Variants in PELI2 observed in about 807,000 individuals in gnomAD.
The protein encoded by PELI2 is pellino E3 ubiquitin protein ligase family member 2, also known as E3 ubiquitin-protein ligase pellino homolog 2.
A neutral mutation model predicts 42.3 loss-of-function variants in PELI2; 23 were observed. That is an observed-to-expected ratio of 0.54 (90% CI 0.39 to 0.77). The LOEUF is 0.77. Among genes scored for constraint, PELI2 ranks in the 30% least tolerant of loss-of-function variants. The pLI is 0.00. For synonymous variants in PELI2, 245 were observed against 212.2 expected (o/e 1.15, Z -1.34); for missense variants, 463 against 553.2 (o/e 0.84, Z 1.64).
At chr14:56,154,835 A>G (rs1434205199) in intron 1 of PELI2, among the ~76,000 whole-genome samples, 2 of 152,224 alleles carry the variant, frequency 1.3e-5, no homozygotes, top group Non-Finnish European at 2.9e-5. Context: ...GATTGTTGCT[A>G]AATTACTTTG....
chr14:56,204,282 G>C (rs1162204215), intron 2 of PELI2, among the ~76,000 whole-genome samples: 2 of 152,188 alleles, frequency 1.3e-5, no homozygotes. Context: ...GTTTTAGACC[G>C]AATTGGTGGC....
chr14:56,164,679 T>A (rs1380091131), intron 1 of PELI2, among the ~76,000 whole-genome samples: 2 of 152,134 alleles, frequency 1.3e-5, no homozygotes, highest in Non-Finnish European at 2.9e-5. Flanking sequence ...GGGCTTTTCT[T>A]TACTGGGAGA....
chr14:56,162,063 A>G (rs1296111211), intron 1 of PELI2, among the ~76,000 whole-genome samples: 1 of 152,226 alleles, frequency 6.6e-6, no homozygotes, highest in Non-Finnish European at 1.5e-5. Flanking sequence ...GCAATGTGAA[A>G]TAACCACATT....
chr14:56,119,161 G>GAGGC (rs1292399876), intron 1 of PELI2: 1 of 151,932 alleles, frequency 6.6e-6, no homozygotes, highest in East Asian at 1.9e-4. Flanking sequence ...CCGAAGCTGA[G>GAGGC]AGGCCGGCCG....
At chr14:56,283,032 C>T (rs570623790) in intron 3 of PELI2, among the ~76,000 whole-genome samples, 1 of 152,278 alleles carries the variant, frequency 6.6e-6, no homozygotes, top group South Asian at 2.1e-4. Flanking sequence ...ATAGGTAAGT[C>T]AGGTACTCTC....
rs1309667616 is a variant in PELI2 at position 56,127,810 on chromosome 14, A to C, written c.77+9073A>C. ...ATTTTAGCATTTTTCATTTCTAATG[A>C]GAGGGACTAAAAGATGTGAAATCAA... is the stretch of plus-strand genomic sequence containing the variant. On this transcript the variant is annotated intron_variant, in intron 1 of 5. Transcript: ENST00000267460. Among the ~76,000 whole-genome samples the C allele has an allele frequency of 2.0e-5, 3 of 152,350 alleles. No individual in the cohort carries two copies. The South Asian group carries it at 6.2e-4, about 32-fold the overall frequency.
intron 2 of PELI2, among the ~76,000 whole-genome samples, chr14:56,216,132 T>G (rs1886898261): frequency 6.6e-6 from 1 of 152,232 alleles, no homozygotes. Context: ...AAAAACTTCA[T>G]GCAGTTGTTT....
Position 56,219,181 on chromosome 14 carries a change from GTGTT to G in PELI2, c.207+40723_207+40726del, listed in dbSNP as rs1362162155. On this transcript the variant is annotated intron_variant, in intron 2 of 5. Transcript: ENST00000267460. This position sits in a 1 kb window ranked among gnomAD's most constrained non-coding sequence, Gnocchi z 4.1. ...TTTTGGATGACTTGAGGACAATAAG[GTGTT>G]TGTTTATTTATTTATTTATTTTGGT... Among the ~76,000 whole-genome samples the G allele has an allele frequency of 1.3e-5, 2 of 151,666 alleles. No individual in the cohort carries two copies. The highest frequency in any genetic ancestry group is 2.9e-5 in the Non-Finnish European group (2 of 67,972).
intron 1 of PELI2, among the ~76,000 whole-genome samples, chr14:56,140,140 G>T (rs1307021261): frequency 2.0e-5 from 3 of 151,888 alleles, no homozygotes; most frequent in Non-Finnish European, 4.4e-5. Context: ...GTATAATTTA[G>T]AGCTGGGTGC....
intron 2 of PELI2, among the ~76,000 whole-genome samples, chr14:56,207,208 G>A (rs1386097626): frequency 6.6e-6 from 1 of 151,800 alleles, no homozygotes; most frequent in Non-Finnish European, 1.5e-5. Context: ...CACAAAGCTG[G>A]GAGAGAAAAA....
At chr14:56,280,585 A>C (rs1020518804) in intron 3 of PELI2, among the ~76,000 whole-genome samples, 15 of 152,240 alleles carry the variant, frequency 9.9e-5, no homozygotes, top group Middle Eastern at 6.8e-3. Context: ...CGAAACAAAC[A>C]TCAAAAGAGT....
intron 2 of PELI2, among the ~76,000 whole-genome samples, chr14:56,271,425 A>T (rs1889101092): frequency 6.6e-6 from 1 of 152,236 alleles, no homozygotes; most frequent in Admixed American, 6.5e-5. Flanking sequence ...TTTGTATTTC[A>T]TAACCAGAGC....
intron 2 of PELI2, among the ~76,000 whole-genome samples, chr14:56,179,985 A>G (rs554957742): frequency 3.0e-4 from 46 of 152,230 alleles, no homozygotes; most frequent in Middle Eastern, 6.8e-3. Context: ...AAAATTTGCA[A>G]CTGTTGAGAG....
At chr14:56,130,326 A>G (rs569690239) in intron 1 of PELI2, among the ~76,000 whole-genome samples, 9 of 152,300 alleles carry the variant, frequency 5.9e-5, no homozygotes, top group African/African-American at 2.2e-4. Context: ...ATGCTTGAGA[A>G]GCTTGTTCAG....
At chr14:56,176,951 G>C (rs562514711) in intron 1 of PELI2, among the ~76,000 whole-genome samples, 1 of 152,314 alleles carries the variant, frequency 6.6e-6, no homozygotes, top group Non-Finnish European at 1.5e-5. Flanking sequence ...AAACGGGTTT[G>C]TAATGGTTGT....
At chr14:56,176,579 G>A (rs1212312127) in intron 1 of PELI2, among the ~76,000 whole-genome samples, 1 of 152,182 alleles carries the variant, frequency 6.6e-6, no homozygotes, top group African/African-American at 2.4e-5. Flanking sequence ...GAGAGCCTGC[G>A]TTCCATGGGA....
chr14:56,283,079 T>C (rs1336321317), intron 3 of PELI2, among the ~76,000 whole-genome samples: 1 of 152,308 alleles, frequency 6.6e-6, no homozygotes, highest in African/African-American at 2.4e-5. Context: ...AGAAGAATCT[T>C]GTTTCTTCGG....
chr14:56,205,992 C>T (rs1170901869), intron 2 of PELI2, among the ~76,000 whole-genome samples: 1 of 124,690 alleles, frequency 8.0e-6, no homozygotes, highest in Admixed American at 8.7e-5. Flanking sequence ...ATGAAAAGAA[C>T]TACAGATAAC....
At chr14:56,210,713 A>G (rs78892983) in intron 2 of PELI2, among the ~76,000 whole-genome samples, 2,897 of 152,256 alleles carry the variant, frequency 0.019, 90 homozygotes, top group African/African-American at 0.066. Flanking sequence ...CCATTTGGCC[A>G]CCACATGTGT....
Sources: gnomAD v4.1 joint callset for allele counts (sites outside exome capture counted in the v4.1 genomes callset) on GRCh38, gnomAD v4.1.1 for gene constraint, Gnocchi (gnomAD v3.1) non-coding constraint, MANE v1.5 for transcripts, NCBI Gene and HGNC (gene_info 2026-07-23, HGNC 2026-07-21) for gene names.